Variants in ERCC6L2 observed in about 807,000 individuals in gnomAD.
ERCC6L2 encodes the protein DNA excision repair protein ERCC-6-like 2.
ERCC6L2 carries 77 observed loss-of-function variants against 132.0 expected under a neutral mutation model. That is an observed-to-expected ratio of 0.58 (90% CI 0.49 to 0.71). ERCC6L2 has a LOEUF of 0.71. Among genes scored for constraint, ERCC6L2 ranks in the 30% least tolerant of loss-of-function variants. The probability of loss-of-function intolerance (pLI) is 0.00; values close to 1 mark genes in which losing one functional copy is unlikely to be tolerated. For missense variants in ERCC6L2, 1,542 were observed against 1,837.6 expected, an observed-to-expected ratio of 0.84 and a Z score of 2.94; for synonymous variants, 583 against 632.4, an observed-to-expected ratio of 0.92 and a Z score of 1.17.
intron 19 of ERCC6L2, among the ~76,000 whole-genome samples, chr9:96,035,536 G>A (rs566129037): frequency 3.3e-5 from 5 of 152,190 alleles, no homozygotes; most frequent in African/African-American, 1.2e-4. Flanking sequence ...GGGGCAACCT[G>A]CCAGACAGAG....
intron 1 of ERCC6L2, among the ~76,000 whole-genome samples, chr9:95,879,442 T>C (rs1300644949): frequency 1.3e-5 from 2 of 152,192 alleles, no homozygotes; most frequent in South Asian, 2.1e-4. Context: ...ATGGGAAATA[T>C]AAGTAATGTG....
At position 96,006,044 on chromosome 9, in the gene ERCC6L2, A is replaced by G. The variant is rs1453308064; in HGVS notation, c.3674+1343A>G. ...AAAAAATTCAGGAGTTCCCTTTTGC[A>G]CGTATTAAATGTGACATTCTGTGGG... is the stretch of plus-strand genomic sequence containing the variant. On this transcript the variant is annotated intron_variant, in intron 18 of 18. Coordinates refer to ENST00000653738, the MANE Select transcript of ERCC6L2 (RefSeq NM_020207.7). Among the ~76,000 whole-genome samples, 5 of 152,212 alleles carry G rather than the reference A, an allele frequency of 3.3e-5. No individual in the cohort carries two copies. In the South Asian group the frequency reaches 8.3e-4, roughly 25 times the overall value.
At chr9:95,940,350 T>C (rs1476626355) in intron 11 of ERCC6L2, among the ~76,000 whole-genome samples, 1 of 152,086 alleles carries the variant, frequency 6.6e-6, no homozygotes, top group East Asian at 1.9e-4. Flanking sequence ...GATATATATA[T>C]ATATTTTTAT....
chr9:95,943,177 G>T (rs1830884729), intron 12 of ERCC6L2, among the ~76,000 whole-genome samples: 1 of 152,052 alleles, frequency 6.6e-6, no homozygotes, highest in Non-Finnish European at 1.5e-5. Context: ...TGTAAAGAAA[G>T]AATTCCCTGA....
intron 1 of ERCC6L2, among the ~76,000 whole-genome samples, chr9:95,880,069 A>G (rs1827506763): frequency 6.6e-6 from 1 of 152,190 alleles, no homozygotes; most frequent in African/African-American, 2.4e-5. Context: ...ATGGTTAGTC[A>G]CAGAATAAGT....
chr9:95,885,609 G>A (rs1766655903), intron 2 of ERCC6L2, among the ~76,000 whole-genome samples: 1 of 114,624 alleles, frequency 8.7e-6, no homozygotes, highest in Non-Finnish European at 1.8e-5. Flanking sequence ...GCTAGTTTAA[G>A]TACAATAAAC....
chr9:95,943,542 G>A (rs1193364535), intron 12 of ERCC6L2, among the ~76,000 whole-genome samples: 1 of 151,988 alleles, frequency 6.6e-6, no homozygotes, highest in African/African-American at 2.4e-5. Flanking sequence ...GTGGATCAAA[G>A]GACACTATCA....
chr9:95,984,028 T>C (rs1417166487), intron 17 of ERCC6L2, among the ~76,000 whole-genome samples: 1 of 151,932 alleles, frequency 6.6e-6, no homozygotes, highest in Admixed American at 6.6e-5. Flanking sequence ...TACCTTCACT[T>C]TAGCAGTTAC....
chr9:95,941,499 A>G lies in ERCC6L2; in HGVS notation c.1797A>G (p.Val599=). The change falls in exon 12 of 19, where the codon GTA becomes GTG. Residue 599 remains valine, a synonymous_variant. Transcript: ENST00000653738. ...GLNFVGANVV[V]LFDPTWNPAN... ...ATTTTGTCGGTGCCAATGTTGTTGT[A>G]TTATTTGATCCTACTTGGAATCCAG... 6.2e-7 allele frequency: 1 copy of G among 1,611,846 alleles called. No homozygotes were observed. Among genetic ancestry groups the G allele is most frequent in the Non-Finnish European group, 8.5e-7 (1 of 1,179,316 alleles).
Position 96,013,151 on chromosome 9 carries a change from T to G in ERCC6L2, c.4601T>G (p.Phe1534Cys), listed in dbSNP as rs36002949. The change falls in exon 19 of 19, where the codon TTT becomes TGT. Residue 1534 changes from phenylalanine to cysteine, a missense_variant. Physicochemically the swap from Phe to Cys is radical, Grantham distance 205. Around this residue, in one of 4 missense-constraint regions of ERCC6L2, gnomAD observed 442 missense variants for 583.4 expected, o/e 0.76. Transcript: ENST00000653738. ...AATGAGAAATTTTTATGGAAGAAATTTAGCCCAAGTGATACAGATGAAAAC... is the reference window on the plus strand; with the variant it reads ...AATGAGAAATTTTTATGGAAGAAATGTAGCCCAAGTGATACAGATGAAAAC... ...KSNEKFLWKK[F>C]SPSDTDENAT... 5.3e-4 allele frequency: 725 copies of G among 1,367,026 alleles called. 3 individuals carry two copies. The Middle Eastern group carries it at 8.4e-3, about 16-fold the overall frequency. The allele number at this position is 1,367,026 out of a possible 1,614,324, so 84.7% of individuals were successfully genotyped here.
chr9:95,988,201 T>A (rs1346876157), intron 17 of ERCC6L2, among the ~76,000 whole-genome samples: 1 of 152,234 alleles, frequency 6.6e-6, no homozygotes, highest in East Asian at 1.9e-4. Flanking sequence ...TGTGAATAAT[T>A]ATTCTAATTT....
chr9:96,036,836 G>T (rs540537388), intron 19 of ERCC6L2, among the ~76,000 whole-genome samples: 3 of 146,170 alleles, frequency 2.1e-5, no homozygotes, highest in Non-Finnish European at 4.5e-5. Flanking sequence ...GCGGGATCTC[G>T]GCTCACTGCA....
intron 19 of ERCC6L2, chr9:96,027,637 C>A: frequency 6.6e-6 from 1 of 152,668 alleles, no homozygotes; most frequent in South Asian, 2.0e-4. Flanking sequence ...AGCGCCCACC[C>A]GTCCCCCCGG....
chr9:96,008,415 T>C (rs1833928277), intron 18 of ERCC6L2, among the ~76,000 whole-genome samples: 1 of 152,190 alleles, frequency 6.6e-6, no homozygotes, highest in South Asian at 2.1e-4. Context: ...TCTGAGTGAA[T>C]TATCTAGCTT....
At chr9:95,891,763 A>T (rs191502726) in intron 2 of ERCC6L2, among the ~76,000 whole-genome samples, 1 of 152,190 alleles carries the variant, frequency 6.6e-6, no homozygotes, top group Non-Finnish European at 1.5e-5. Context: ...GTGGTATTTC[A>T]TTACGGTTTT....
At chr9:95,955,242 C>T (rs1038378726) in intron 12 of ERCC6L2, among the ~76,000 whole-genome samples, 5 of 152,148 alleles carry the variant, frequency 3.3e-5, no homozygotes, top group Non-Finnish European at 5.9e-5. Flanking sequence ...ACCTCATCTA[C>T]GGATGAGAAC....
At chr9:95,938,633 A>G (rs1830663773) in intron 11 of ERCC6L2, among the ~76,000 whole-genome samples, 1 of 152,116 alleles carries the variant, frequency 6.6e-6, no homozygotes, top group South Asian at 2.1e-4. Flanking sequence ...ATATTAATAT[A>G]GCCAGTCTTG....
At chr9:96,022,641 C>T (rs1197255603), downstream of ERCC6L2, among the ~76,000 whole-genome samples, 1 of 152,180 alleles carries the variant, frequency 6.6e-6, no homozygotes, top group Non-Finnish European at 1.5e-5. Context: ...CGGGTCCGGG[C>T]CAGACGGCAG....
At chr9:95,999,137 G>T (rs1227716982) in intron 17 of ERCC6L2, among the ~76,000 whole-genome samples, 1 of 152,174 alleles carries the variant, frequency 6.6e-6, no homozygotes, top group Non-Finnish European at 1.5e-5. Context: ...GAGGCAGGCA[G>T]ATCACGAAGT....
Sources: gnomAD v4.1 joint callset for allele counts (sites outside exome capture counted in the v4.1 genomes callset) on GRCh38, gnomAD v4.1.1 for gene constraint, gnomAD v4.1.1 regional missense constraint, MANE v1.5 for transcripts, NCBI Gene and HGNC (gene_info 2026-07-23, HGNC 2026-07-21) for gene names.